Variants in ABCC4 observed in about 807,000 individuals in gnomAD.
The protein encoded by ABCC4 is ATP binding cassette subfamily C member 4 (PEL blood group).
ABCC4 carries 102 observed loss-of-function variants against 168.5 expected under a neutral mutation model. That is an observed-to-expected ratio of 0.61 (90% confidence interval 0.52 to 0.71). ABCC4 has a LOEUF of 0.71. ABCC4 is among the 30% of genes least tolerant of loss of function. The pLI is 0.00. For synonymous variants in ABCC4, 617 were observed against 590.7 expected, an observed-to-expected ratio of 1.04 and a Z score of -0.65; for missense variants, 1,402 against 1,605.8, an observed-to-expected ratio of 0.87 and a Z score of 2.17.
chr13:95,121,422 T>G (rs942720148), intron 19 of ABCC4, among the ~76,000 whole-genome samples: 20 of 136,320 alleles, frequency 1.5e-4, no homozygotes, highest in Non-Finnish European at 2.7e-4. Flanking sequence ...CTTTATGGGG[T>G]TTTTTTTTGT....
At chr13:95,123,585 C>T (rs553808885) in intron 19 of ABCC4, among the ~76,000 whole-genome samples, 2 of 152,292 alleles carry the variant, frequency 1.3e-5, no homozygotes, top group South Asian at 2.1e-4. Flanking sequence ...TGGTCTCAAA[C>T]TCCTGACCTC....
chr13:95,122,015 G>A (rs886344576), intron 19 of ABCC4, among the ~76,000 whole-genome samples: 3 of 152,276 alleles, frequency 2.0e-5, no homozygotes, highest in African/African-American at 7.2e-5. Flanking sequence ...AATGCGGTGG[G>A]AACTCTCTGC....
chr13:95,097,576 C>T lies in ABCC4; in HGVS notation c.2536-14286G>A, dbSNP rs569962916. 2.1e-3 allele frequency among the ~76,000 whole-genome samples: 288 copies of T among 139,342 alleles called. 1 individual carries two copies. The highest frequency in any genetic ancestry group is 7.5e-3 in the African/African-American group (277 of 37,096). 91.4% of individuals were successfully genotyped at this position (139,342 alleles called of 152,430 possible). A position where few individuals can be genotyped will look rare whatever the true frequency, so the allele number is the denominator to read the frequency against. On this transcript the variant is annotated intron_variant, in intron 20 of 30. Transcript: ENST00000645237. ...ATTTTTAGAACTCTATACTCCACAGCTACAGAATATACATTCTTTTTTTTT... is the reference window on the plus strand; with the variant it reads ...ATTTTTAGAACTCTATACTCCACAGTTACAGAATATACATTCTTTTTTTTT...
At chr13:95,204,331 G>GT (rs2038719649) in intron 8 of ABCC4, among the ~76,000 whole-genome samples, 1 of 152,168 alleles carries the variant, frequency 6.6e-6, no homozygotes, top group South Asian at 2.1e-4. Flanking sequence ...AGCAACATAG[G>GT]TGATACAGTT....
chr13:95,289,087 G>A (rs777136030), intron 1 of ABCC4, among the ~76,000 whole-genome samples: 15 of 152,182 alleles, frequency 9.9e-5, no homozygotes, highest in Non-Finnish European at 1.6e-4. Context: ...CTGTTGGACT[G>A]TATGCACTCT....
intron 1 of ABCC4, among the ~76,000 whole-genome samples, chr13:95,266,879 C>CTTTTTT (rs34395714): frequency 1.7e-5 from 2 of 116,806 alleles, no homozygotes; most frequent in Non-Finnish European, 3.3e-5. Context: ...CAAATCTCAT[C>CTTTTTT]TTTTTTTTTT....
chr13:95,292,716 AGATCTCTT>A lies in ABCC4; in HGVS notation c.74+8517_74+8524del, dbSNP rs567084912. Among the ~76,000 whole-genome samples, 16 of 152,258 alleles carry A rather than the reference AGATCTCTT, an allele frequency of 1.1e-4. No homozygotes were observed. In the South Asian group the frequency reaches 3.1e-3, roughly 30 times the overall value. On this transcript the variant is annotated intron_variant, in intron 1 of 30. Coordinates refer to ENST00000645237, the MANE Select transcript of ABCC4 (RefSeq NM_005845.5). ...ATTCCTGTACTGAGTGTGGGCTAGA[AGATCTCTT>A]CCTTTCAACCCACTAATTCTATGAC...
chr13:95,149,722 C>A (rs2036612398), intron 19 of ABCC4, among the ~76,000 whole-genome samples: 1 of 152,118 alleles, frequency 6.6e-6, no homozygotes, highest in Non-Finnish European at 1.5e-5. Context: ...AAGGGTAAAT[C>A]TGCTTCAACT....
rs1160123229 is a variant in ABCC4, at chr13:95,021,680, T to C, written c.3873A>G (p.Val1291=). 2.5e-6 allele frequency: 4 copies of C among 1,582,882 alleles called. No individual in the cohort carries two copies. The highest frequency in any genetic ancestry group is 3.4e-6 in the Non-Finnish European group (4 of 1,160,922). The part of the protein sequence containing the change: ...AAALTETAKQ[V]YFKRNYPHIG... ...TATGTGGATAATTTCTTTTGAAGTA[T>C]ACCTAGAAAAAAAAAAGGTAAGCAT... The change falls in exon 31 of 31, where the codon GTA becomes GTG. Residue 1291 remains valine, a splice_region_variant and synonymous_variant. Coordinates refer to ENST00000645237, the MANE Select transcript of ABCC4 (RefSeq NM_005845.5).
intron 5 of ABCC4, among the ~76,000 whole-genome samples, chr13:95,210,104 G>C (rs1468506246): frequency 1.3e-5 from 2 of 152,240 alleles, no homozygotes; most frequent in Non-Finnish European, 2.9e-5. Context: ...TTGGAAAAAA[G>C]AAGTGGTCCT....
At chr13:95,218,720 A>G (rs1006171826) in intron 4 of ABCC4, among the ~76,000 whole-genome samples, 2 of 151,792 alleles carry the variant, frequency 1.3e-5, no homozygotes, top group Non-Finnish European at 2.9e-5. Context: ...GCATGGTGGC[A>G]CATGCCTGTA....
chr13:95,076,335 G>A (rs1356124588), intron 21 of ABCC4, among the ~76,000 whole-genome samples: 3 of 152,136 alleles, frequency 2.0e-5, no homozygotes, highest in African/African-American at 7.2e-5. Flanking sequence ...ATGTGCCATT[G>A]CTTTTTTCAG....
At chr13:95,258,884 T>C (rs1373428585) in intron 1 of ABCC4, among the ~76,000 whole-genome samples, 1 of 152,206 alleles carries the variant, frequency 6.6e-6, no homozygotes, top group Non-Finnish European at 1.5e-5. Context: ...CTTTCAGGTG[T>C]GGCAAATTAT....
chr13:95,188,610 G>A, intron 9 of ABCC4, 68 bp from the exon 10 acceptor site: 1 of 1,293,888 alleles, frequency 7.7e-7, no homozygotes, highest in South Asian at 1.3e-5. Context: ...AAAAAGAGAA[G>A]AAAACAATAC....
chr13:95,153,362 C>T (rs187341419), intron 19 of ABCC4, among the ~76,000 whole-genome samples: 20 of 152,072 alleles, frequency 1.3e-4, no homozygotes, highest in Admixed American at 7.2e-4. Context: ...CCAAGTTAGC[C>T]GAAGATAAAG....
At chr13:95,176,527 T>C (rs2037709886) in intron 13 of ABCC4, among the ~76,000 whole-genome samples, 1 of 152,106 alleles carries the variant, frequency 6.6e-6, no homozygotes, top group South Asian at 2.1e-4. Context: ...GATTGTCCTA[T>C]ATTGAAATCC....
rs1226284769 is a variant in ABCC4, at chr13:95,135,416, C to CTT, written c.2456-19417_2456-19416dup. 1.7e-4 allele frequency among the ~76,000 whole-genome samples: 23 copies of CTT among 138,890 alleles called. 1 individual carries two copies. Among genetic ancestry groups the CTT allele is most frequent in the South Asian group, 6.9e-4 (3 of 4,322 alleles). 91.1% of individuals were successfully genotyped at this position (138,890 alleles called of 152,430 possible). A position where few individuals can be genotyped will look rare whatever the true frequency, so the allele number is the denominator to read the frequency against. ...GTAAAATATAATAATGTCCATAATT[C>CTT]TTTTTTTTTTTTTTTTGAGAGGGTC... On this transcript the variant is annotated intron_variant, in intron 19 of 30. Transcript: ENST00000645237.
At chr13:95,036,192 T>C (rs1235817992) in intron 29 of ABCC4, among the ~76,000 whole-genome samples, 1 of 152,220 alleles carries the variant, frequency 6.6e-6, no homozygotes, top group Non-Finnish European at 1.5e-5. Flanking sequence ...TACAGGTCTC[T>C]CTAATGCTAA....
chr13:95,186,837 C>T lies in ABCC4; in HGVS notation c.1409G>A (p.Ser470Asn). 1 of 1,614,138 alleles carries T rather than the reference C, an allele frequency of 6.2e-7. No homozygotes were observed. Among genetic ancestry groups the T allele is most frequent in the Non-Finnish European group, 8.5e-7 (1 of 1,180,002 alleles). Residue 470 changes from serine to asparagine, a missense_variant, in exon 11 of 31, where the codon AGC (serine) becomes AAC (asparagine). By Grantham distance (46) the Ser-to-Asn change is conservative. Around this residue, in one of 3 missense-constraint regions of ABCC4, gnomAD observed 1,007 missense variants for 1,127.3 expected, o/e 0.89. Transcript: ENST00000645237. ...GELAPSHGLV[S>N]VHGRIAYVSQ... is the part of the protein sequence containing the mutation. ...CACATAGGCAATTCTTCCATGCACG[C>T]TGACCAGCCCGTGACTTGGGGCCAA...
Sources: allele counts gnomAD v4.1 joint callset (sites outside exome capture counted in the v4.1 genomes callset), GRCh38; gene constraint gnomAD v4.1.1; regional missense constraint gnomAD v4.1.1; transcripts MANE v1.5; gene names NCBI Gene and HGNC (gene_info 2026-07-23, HGNC 2026-07-21).